Variants in DNAH3 observed in about 807,000 individuals in gnomAD.
DNAH3 encodes the protein axonemal beta dynein heavy chain 3.
A neutral mutation model predicts 432.5 loss-of-function variants in DNAH3; 332 were observed. That is an observed-to-expected ratio of 0.77 (90% CI 0.70 to 0.84). The LOEUF (loss-of-function observed/expected upper bound fraction) is 0.84, where lower values mean the gene tolerates loss of function less well. Ranked by LOEUF, DNAH3 falls within the 40% of genes least tolerant of loss-of-function variation. The pLI, the probability that DNAH3 is intolerant of heterozygous loss-of-function variation, is 0.00. For synonymous variants in DNAH3, 1,956 were observed against 1,900.2 expected (o/e 1.03, Z -0.76); for missense variants, 4,861 against 5,114.0 (o/e 0.95, Z 1.51).
chr16:21,061,242 T>C (rs1597275960), intron 25 of DNAH3, among the ~76,000 whole-genome samples: 1 of 149,034 alleles, frequency 6.7e-6, no homozygotes, highest in Middle Eastern at 3.4e-3. Context: ...TTTTTTTTTT[T>C]TTTTTTTTTG....
At chr16:21,100,603 G>C (rs2091812941) in intron 16 of DNAH3, among the ~76,000 whole-genome samples, 1 of 152,154 alleles carries the variant, frequency 6.6e-6, no homozygotes, top group Admixed American at 6.6e-5. Flanking sequence ...TCTTCCTCCA[G>C]GGTGCCAAAG....
intron 37 of DNAH3, 109 bp from the exon 38 acceptor site, chr16:21,027,236 T>C: frequency 5.1e-6 from 4 of 782,468 alleles, no homozygotes; most frequent in Non-Finnish European, 8.8e-6. Context: ...CATAAATATT[T>C]CTTGAGCACT....
At chr16:21,123,223 AG>A (rs1263193904) in intron 9 of DNAH3, among the ~76,000 whole-genome samples, 2 of 151,788 alleles carry the variant, frequency 1.3e-5, no homozygotes, top group African/African-American at 4.8e-5. Flanking sequence ...ATATTGACAT[AG>A]AGCTATTTCC....
rs34245316 is a variant in DNAH3, at chr16:20,972,739, AT to A, written c.8259+2493del. On this transcript the variant is annotated intron_variant, in intron 51 of 61. Coordinates refer to ENST00000261383, the Ensembl canonical transcript of DNAH3. ...TGCCCTTCTGAGACAATGCCCCGTG[AT>A]TTTTTTTTTTTTTTTTTTTTTTTGG... is the stretch of plus-strand genomic sequence containing the variant. Among the ~76,000 whole-genome samples the A allele has an allele frequency of 7.5e-3, 720 of 95,936 alleles. 3 individuals are homozygous for A. Among genetic ancestry groups the A allele is most frequent in the South Asian group, 0.041 (103 of 2,520 alleles). 62.9% of individuals were successfully genotyped at this position (95,936 alleles called of 152,430 possible). A position where few individuals can be genotyped will look rare whatever the true frequency, so the allele number is the denominator to read the frequency against.
intron 41 of DNAH3, among the ~76,000 whole-genome samples, chr16:21,010,534 C>T (rs1472950153): frequency 3.3e-5 from 5 of 152,140 alleles, no homozygotes; most frequent in Non-Finnish European, 7.4e-5. Context: ...TTGACAGAAT[C>T]CCACAAGGGT....
At chr16:20,980,241 A>ATAATATACATCATATATTATAT (rs2085810992) in intron 49 of DNAH3, among the ~76,000 whole-genome samples, 2 of 97,818 alleles carry the variant, frequency 2.0e-5, no homozygotes, top group African/African-American at 3.2e-5. Context: ...TATATTATAT[A>ATAATATACATCATATATTATAT]TATAATATAC....
chr16:21,070,266 T>A (rs1352798858), intron 22 of DNAH3, among the ~76,000 whole-genome samples: 1 of 152,178 alleles, frequency 6.6e-6, no homozygotes, highest in Non-Finnish European at 1.5e-5. Flanking sequence ...TTCAGCCTTG[T>A]GTCATTAATT....
intron 7 of DNAH3, among the ~76,000 whole-genome samples, chr16:21,133,843 G>A (rs1418436428): frequency 6.6e-6 from 1 of 152,198 alleles, no homozygotes; most frequent in Non-Finnish European, 1.5e-5. Flanking sequence ...TTTGGATGTA[G>A]TAAGTTATTT....
At chr16:20,983,392 C>G (rs899198370) in intron 48 of DNAH3, among the ~76,000 whole-genome samples, 1 of 152,144 alleles carries the variant, frequency 6.6e-6, no homozygotes, top group African/African-American at 2.4e-5. Context: ...TCCCAAAGTG[C>G]TGGGATTACA....
chr16:21,152,536 G>T (rs1037431896), intron 1 of DNAH3, among the ~76,000 whole-genome samples: 3 of 152,402 alleles, frequency 2.0e-5, no homozygotes, highest in African/African-American at 7.2e-5. Flanking sequence ...CACTGTGAGA[G>T]CTCCTTTCTG....
chr16:20,972,890 G>A (rs556492836), intron 51 of DNAH3, among the ~76,000 whole-genome samples: 4 of 151,618 alleles, frequency 2.6e-5, no homozygotes, highest in South Asian at 2.1e-4. Context: ...CACCACGCCC[G>A]GCTAATTTTT....
chr16:21,133,462 T>C (rs1404530157), intron 7 of DNAH3, among the ~76,000 whole-genome samples: 1 of 151,702 alleles, frequency 6.6e-6, no homozygotes, highest in Non-Finnish European at 1.5e-5. Context: ...AAGGGTGAGC[T>C]GGGTGCGATG....
At chr16:21,042,004 C>T in intron 32 of DNAH3, 23 bp downstream of exon 32, 1 of 1,613,414 alleles carries the variant, frequency 6.2e-7, no homozygotes, top group Non-Finnish European at 8.5e-7. Flanking sequence ...GCACACCCCA[C>T]ATGTATATCT....
intron 41 of DNAH3, among the ~76,000 whole-genome samples, chr16:21,010,928 T>A (rs952020057): frequency 1.7e-4 from 25 of 151,386 alleles, no homozygotes; most frequent in African/African-American, 3.2e-4. Context: ...TTTTGTTTTT[T>A]AAAAAAAACA....
At chr16:20,948,615 T>C (rs145965244) in exon 57 of DNAH3, 27 of 1,613,998 alleles carry the variant, frequency 1.7e-5, no homozygotes, top group Non-Finnish European at 2.3e-5. Flanking sequence ...CATCAGTCAC[T>C]CTGCCTCCGT....
exon 21 of DNAH3, chr16:21,075,498 C>T (rs2090942540): frequency 6.2e-7 from 1 of 1,613,980 alleles, no homozygotes; most frequent in African/African-American, 1.3e-5. Context: ...AATCCAACTT[C>T]ATTCTATCCA....
intron 11 of DNAH3, chr16:21,120,611 C>A: frequency 1.4e-6 from 1 of 717,390 alleles, no homozygotes; most frequent in Non-Finnish European, 2.5e-6. Context: ...ATGGGGAACT[C>A]AGTCTACGTT....
chr16:20,957,950 T>A (rs893974628), intron 54 of DNAH3, among the ~76,000 whole-genome samples: 7 of 151,788 alleles, frequency 4.6e-5, no homozygotes, highest in African/African-American at 7.3e-5. Context: ...TTGTTGGGCT[T>A]TAAAATTCCC....
exon 37 of DNAH3, chr16:21,031,216 C>T (rs202223194): frequency 7.9e-5 from 127 of 1,614,020 alleles, no homozygotes; most frequent in Non-Finnish European, 1.1e-4. Flanking sequence ...AGCACCCATA[C>T]AGCTGCCCCA....
Sources: gnomAD v4.1 joint callset for allele counts (sites outside exome capture counted in the v4.1 genomes callset) on GRCh38, gnomAD v4.1.1 for gene constraint, MANE v1.5 for transcripts, NCBI Gene and HGNC (gene_info 2026-07-23, HGNC 2026-07-21) for gene names.